MORC1: variants seen among roughly 807,000 people sequenced by gnomAD.
The protein encoded by MORC1 is MORC family CW-type zinc finger 1.
In MORC1, 59 loss-of-function variants were observed where a neutral mutation model predicts 134.9. The observed-to-expected ratio is 0.44, with a 90% confidence interval of 0.35 to 0.54. The LOEUF is 0.54. Ranked by LOEUF, MORC1 falls within the 20% of genes least tolerant of loss-of-function variation. MORC1 has a pLI of 0.00. For missense variants in MORC1, 947 were observed against 1,134.5 expected (o/e 0.83, Z 2.37); for synonymous variants, 395 against 391.7 (o/e 1.01, Z -0.10).
At chr3:109,010,649 T>C (rs1056372670) in intron 17 of MORC1, among the ~76,000 whole-genome samples, 11 of 152,152 alleles carry the variant, frequency 7.2e-5, no homozygotes, top group African/African-American at 2.7e-4. Context: ...AGTTTCCTTG[T>C]CTCCCCACCA....
chr3:109,037,197 G>C (rs1215090754), intron 14 of MORC1, among the ~76,000 whole-genome samples: 1 of 152,174 alleles, frequency 6.6e-6, no homozygotes, highest in Non-Finnish European at 1.5e-5. Flanking sequence ...CACAGCCTAA[G>C]ACATAGCTTT....
In MORC1 at chr3:108,973,595, G is replaced by GTTTT. The variant is rs63198360; in HGVS notation, c.2478-2197_2478-2194dup. ...TTCGTTTTTTGTTTGCTTTGTTTTG[G>GTTTT]TTTTTTTTTTTTTTTTTCAGACTGA... On this transcript the variant is annotated intron_variant, in intron 24 of 27. Transcript: ENST00000232603. Among the ~76,000 whole-genome samples the GTTTT allele has an allele frequency of 1.8e-4, 14 of 77,904 alleles. 1 individual carries two copies. The highest frequency in any genetic ancestry group is 3.0e-4 in the African/African-American group (5 of 16,514). 51.1% of individuals were successfully genotyped at this position (77,904 alleles called of 152,430 possible). A position where few individuals can be genotyped will look rare whatever the true frequency, so the allele number is the denominator to read the frequency against.
intron 13 of MORC1, among the ~76,000 whole-genome samples, chr3:109,056,572 T>C (rs537334147): frequency 2.6e-5 from 4 of 152,216 alleles, no homozygotes; most frequent in African/African-American, 7.2e-5. Flanking sequence ...TCATACAATA[T>C]AAAAAATATG....
intron 1 of MORC1, 45 bp from the exon 2 acceptor site, chr3:109,114,482 T>C (rs760853408): frequency 7.0e-5 from 106 of 1,522,130 alleles, no homozygotes; most frequent in Non-Finnish European, 9.1e-5. Flanking sequence ...ACCAGGTGTG[T>C]AATCAATGTA....
intron 16 of MORC1, 100 bp from the exon 17 acceptor site, chr3:109,027,989 T>C (rs17665933): frequency 0.24 from 302,095 of 1,274,388 alleles, 37,995 homozygotes; most frequent in Middle Eastern, 0.3. Context: ...ACTCTTTATG[T>C]CATATATCCA....
chr3:109,069,515 G>C, intron 9 of MORC1, 117 bp downstream of exon 9: 1 of 1,029,182 alleles, frequency 9.7e-7, no homozygotes, highest in Non-Finnish European at 1.4e-6. Flanking sequence ...TTTAAATTTT[G>C]TTTACAATGT....
At chr3:109,045,648 GAT>G (rs1290340293) in intron 14 of MORC1, among the ~76,000 whole-genome samples, 1 of 152,176 alleles carries the variant, frequency 6.6e-6, no homozygotes, top group Non-Finnish European at 1.5e-5. Flanking sequence ...AGCAAGACAA[GAT>G]ATATTCAGTG....
At chr3:108,984,809 G>A (rs373973608) in intron 22 of MORC1, 27 bp from the exon 23 acceptor site, 58 of 1,569,818 alleles carry the variant, frequency 3.7e-5, no homozygotes, top group African/African-American at 2.6e-4. Context: ...ACAAACAATC[G>A]CATTTGGATG....
rs747048962 is a variant in MORC1 at position 109,118,014 on chromosome 3, C to A, written c.46G>T (p.Asp16Tyr). Reference protein sequence around the residue: ...PALQRAQLRLDFIHANSTTHS... With the variant: ...PALQRAQLRLYFIHANSTTHS... ...ACTCACGAGTTGGCGTGGATGAAAT[C>A]CAGACGCAGCTGGGCCCGCTGAAGC... Residue 16 changes from aspartate to tyrosine, a missense_variant, in exon 1 of 28, where the codon GAT (aspartate) becomes TAT (tyrosine). By Grantham distance (160) the Asp-to-Tyr change is radical (BLOSUM62 -3). Coordinates refer to ENST00000232603, the MANE Select transcript of MORC1 (RefSeq NM_014429.4). 8 of 1,608,060 alleles carry A rather than the reference C, an allele frequency of 5.0e-6. No homozygotes were observed. The South Asian group carries it at 8.9e-5, about 18-fold the overall frequency.
chr3:108,965,665 C>A (rs1947200160), intron 26 of MORC1, among the ~76,000 whole-genome samples: 1 of 152,174 alleles, frequency 6.6e-6, no homozygotes, highest in African/African-American at 2.4e-5. Flanking sequence ...TATACACACA[C>A]ATTTTACCAA....
chr3:108,996,471 G>C lies in MORC1; in HGVS notation c.2187+4086C>G, dbSNP rs894933421. ...AGTCCCATACCAAATATCTCCGAAG[G>C]TCCAACTGAGAGGCTATCTAGAGCA... On this transcript the variant is annotated intron_variant, in intron 21 of 27. Coordinates refer to ENST00000232603, the MANE Select transcript of MORC1 (RefSeq NM_014429.4). 2.6e-5 allele frequency among the ~76,000 whole-genome samples: 4 copies of C among 152,132 alleles called. 1 individual carries two copies. The East Asian group carries it at 7.7e-4, about 29-fold the overall frequency.
intron 17 of MORC1, among the ~76,000 whole-genome samples, chr3:109,012,040 T>C (rs1387474415): frequency 6.6e-6 from 1 of 152,204 alleles, no homozygotes; most frequent in African/African-American, 2.4e-5. Flanking sequence ...AAATATCAGG[T>C]CACTAAAATT....
chr3:109,089,833 T>C (rs890154783), intron 8 of MORC1, among the ~76,000 whole-genome samples: 1 of 152,164 alleles, frequency 6.6e-6, no homozygotes, highest in African/African-American at 2.4e-5. Context: ...TTTCAAACTC[T>C]TGATTTTCTT....
At chr3:109,012,634 C>T (rs546214263) in intron 17 of MORC1, among the ~76,000 whole-genome samples, 11 of 152,170 alleles carry the variant, frequency 7.2e-5, no homozygotes, top group African/African-American at 2.4e-4. Flanking sequence ...ACATGTATTT[C>T]GTCAACGTTA....
At chr3:109,028,728 G>GA (rs893062077) in intron 16 of MORC1, among the ~76,000 whole-genome samples, 4 of 152,176 alleles carry the variant, frequency 2.6e-5, no homozygotes, top group Non-Finnish European at 5.9e-5. Flanking sequence ...CCAAACTGCT[G>GA]AAAAAATAAG....
chr3:109,115,078 G>T (rs1951241404), intron 1 of MORC1, among the ~76,000 whole-genome samples: 1 of 152,172 alleles, frequency 6.6e-6, no homozygotes, highest in African/African-American at 2.4e-5. Context: ...TTATCTGAGG[G>T]TGGAATCACA....
chr3:108,989,285 G>A (rs1376703158), intron 21 of MORC1, among the ~76,000 whole-genome samples: 1 of 152,164 alleles, frequency 6.6e-6, no homozygotes. Flanking sequence ...TCTGAAGCTG[G>A]AGGAAATCTC....
At chr3:108,971,231 C>T in intron 25 of MORC1, 99 bp downstream of exon 25, 1 of 982,240 alleles carries the variant, frequency 1.0e-6, no homozygotes, top group Non-Finnish European at 1.6e-6. Flanking sequence ...TTCACTTAAG[C>T]CACTCTAGGT....
rs561041118 is a variant in MORC1 at position 109,110,765 on chromosome 3, T to G, written c.138A>C (p.Arg46Ser). Reference protein sequence around the residue: ...LDNARDAGAERLDVFSVDNEK... With the variant: ...LDNARDAGAESLDVFSVDNEK... Reference sequence around the variant, plus strand: ...TCTGCTCACCTGAAAAGACATCAAGTCTTTCAGCCCCTGCATCTCTGGAAA... The same window carrying G: ...TCTGCTCACCTGAAAAGACATCAAGGCTTTCAGCCCCTGCATCTCTGGAAA... Residue 46 changes from arginine to serine, a missense_variant, in exon 3 of 28, where the codon AGA becomes AGC. Arg to Ser is a moderately radical substitution (Grantham distance 110). Around this residue, in one of 3 missense-constraint regions of MORC1, gnomAD observed 214 missense variants for 281.3 expected, o/e 0.76. Transcript: ENST00000232603. The G allele has an allele frequency of 6.3e-7, 1 of 1,586,364 alleles. No individual in the cohort carries two copies. Among genetic ancestry groups the G allele is most frequent in the African/African-American group, 1.4e-5 (1 of 73,200 alleles).
Sources: gnomAD v4.1 joint callset for allele counts (sites outside exome capture counted in the v4.1 genomes callset) on GRCh38, gnomAD v4.1.1 for gene constraint, gnomAD v4.1.1 regional missense constraint, MANE v1.5 for transcripts, NCBI Gene and HGNC (gene_info 2026-07-23, HGNC 2026-07-21) for gene names.